Variants in DLG2 observed in about 807,000 individuals in gnomAD.
DLG2 encodes discs large MAGUK scaffold protein 2, also known as disks large homolog 2.
A neutral mutation model predicts 132.5 loss-of-function variants in DLG2; 45 were observed. The ratio of observed to expected loss-of-function variants is 0.34; its 90% CI spans 0.27 to 0.44. The LOEUF is 0.44. Among genes scored for constraint, DLG2 ranks in the 20% least tolerant of loss-of-function variants. DLG2 has a pLI of 1.00. For synonymous variants in DLG2, 424 were observed against 419.6 expected (o/e 1.01, Z -0.13); for missense variants, 1,045 against 1,196.9 (o/e 0.87, Z 1.87).
intron 6 of DLG2, among the ~76,000 whole-genome samples, chr11:85,007,559 G>C (rs1398823150): frequency 6.6e-6 from 1 of 150,746 alleles, no homozygotes; most frequent in Non-Finnish European, 1.5e-5. Flanking sequence ...CCAGCTACTC[G>C]GGAAGCTGAG....
intron 9 of DLG2, among the ~76,000 whole-genome samples, chr11:84,152,245 T>C (rs1473993031): frequency 6.6e-6 from 1 of 152,212 alleles, no homozygotes; most frequent in East Asian, 1.9e-4. Context: ...TGTATATATT[T>C]AGGATAGTTA....
At chr11:84,225,286 T>G (rs553405518) in intron 8 of DLG2, among the ~76,000 whole-genome samples, 1 of 152,324 alleles carries the variant, frequency 6.6e-6, no homozygotes, top group South Asian at 2.1e-4. Context: ...TTCCCTTATT[T>G]ATCTAAGTAG....
At chr11:85,132,828 G>C (rs1484553480) in intron 5 of DLG2, 1 of 456,720 alleles carries the variant, frequency 2.2e-6, no homozygotes. Flanking sequence ...TCAGTACATG[G>C]AAATCACACC....
At chr11:85,510,349 C>T (rs1242748277) in intron 3 of DLG2, among the ~76,000 whole-genome samples, 1 of 151,580 alleles carries the variant, frequency 6.6e-6, no homozygotes, top group African/African-American at 2.4e-5. Flanking sequence ...GCAATGGCAA[C>T]AAAAGCCAAA....
intron 6 of DLG2, among the ~76,000 whole-genome samples, chr11:84,927,150 A>G (rs931859234): frequency 1.3e-5 from 2 of 152,140 alleles, no homozygotes; most frequent in Admixed American, 6.5e-5. Flanking sequence ...AAAGTTTTCA[A>G]TATTAAAGCA....
chr11:85,554,678 G>A (rs2076837984), intron 3 of DLG2, among the ~76,000 whole-genome samples: 1 of 151,816 alleles, frequency 6.6e-6, no homozygotes, highest in Non-Finnish European at 1.5e-5. Flanking sequence ...AGGACTGGGG[G>A]GAGCTGAATT....
intron 6 of DLG2, among the ~76,000 whole-genome samples, chr11:84,773,273 C>G (rs955925088): frequency 1.3e-5 from 2 of 152,016 alleles, no homozygotes; most frequent in Non-Finnish European, 2.9e-5. Context: ...AGTTTCAGAA[C>G]TGAATCAGTA....
At chr11:84,973,895 T>A (rs2054480174) in intron 6 of DLG2, among the ~76,000 whole-genome samples, 1 of 152,214 alleles carries the variant, frequency 6.6e-6, no homozygotes, top group Non-Finnish European at 1.5e-5. Flanking sequence ...ATATCCTATT[T>A]TGTGTTTTTT....
intron 6 of DLG2, among the ~76,000 whole-genome samples, chr11:84,896,710 G>C (rs1475154944): frequency 6.6e-6 from 1 of 151,840 alleles, no homozygotes; most frequent in Non-Finnish European, 1.5e-5. Flanking sequence ...AAATAGATGA[G>C]TACAATATAG....
chr11:85,333,583 C>T (rs757948731), intron 3 of DLG2, among the ~76,000 whole-genome samples: 9 of 151,814 alleles, frequency 5.9e-5, no homozygotes, highest in Non-Finnish European at 1.0e-4. Flanking sequence ...CATAGAGGCT[C>T]TTATTCTGAG....
intron 8 of DLG2, among the ~76,000 whole-genome samples, chr11:84,243,025 A>C (rs879264382): frequency 0.029 from 2,975 of 102,646 alleles, 32 homozygotes; most frequent in Non-Finnish European, 0.038. Flanking sequence ...CTCTATATAT[A>C]TATATATATA....
chr11:83,725,017 G>A, intron 18 of DLG2: 1 of 657,442 alleles, frequency 1.5e-6, no homozygotes, highest in Non-Finnish European at 2.8e-6. Context: ...AGCCTGTTAG[G>A]AGTGAAGCAG....
At chr11:84,264,336 C>T (rs1021083112) in intron 7 of DLG2, among the ~76,000 whole-genome samples, 4 of 152,194 alleles carry the variant, frequency 2.6e-5, no homozygotes, top group African/African-American at 9.6e-5. Flanking sequence ...GTCTATGTTA[C>T]TCTTGCTTTC....
intron 7 of DLG2, among the ~76,000 whole-genome samples, chr11:84,394,860 T>C (rs2098805873): frequency 1.3e-5 from 2 of 152,148 alleles, no homozygotes; most frequent in Admixed American, 1.3e-4. Flanking sequence ...GACCTCGTGA[T>C]CCATCCACTT....
At chr11:85,074,312 A>T (rs1373267613) in intron 6 of DLG2, among the ~76,000 whole-genome samples, 1 of 151,800 alleles carries the variant, frequency 6.6e-6, no homozygotes, top group Non-Finnish European at 1.5e-5. Flanking sequence ...TCTCAGACAC[A>T]CTTTCACCAC....
intron 6 of DLG2, among the ~76,000 whole-genome samples, chr11:85,090,317 C>A (rs775522508): frequency 2.0e-5 from 3 of 152,148 alleles, no homozygotes; most frequent in Non-Finnish European, 4.4e-5. Flanking sequence ...GCAGTCTCAC[C>A]TCTTTTCTCT....
At chr11:84,614,640 G>T (rs1395309114) in intron 6 of DLG2, among the ~76,000 whole-genome samples, 1 of 152,076 alleles carries the variant, frequency 6.6e-6, no homozygotes, top group Non-Finnish European at 1.5e-5. Flanking sequence ...AATAGTGAAT[G>T]ACAAATATAT....
intron 6 of DLG2, among the ~76,000 whole-genome samples, chr11:84,561,338 C>T (rs2099428426): frequency 6.6e-6 from 1 of 152,038 alleles, no homozygotes; most frequent in African/African-American, 2.4e-5. Context: ...GCCTGTTACA[C>T]CCTTTTGCCA....
intron 21 of DLG2, among the ~76,000 whole-genome samples, chr11:83,499,263 A>G (rs2094319277): frequency 6.6e-6 from 1 of 152,186 alleles, no homozygotes; most frequent in Non-Finnish European, 1.5e-5. Flanking sequence ...AAAGAAGACT[A>G]CAAACCAAGG....
Sources: gnomAD v4.1 joint callset for allele counts (sites outside exome capture counted in the v4.1 genomes callset) on GRCh38, gnomAD v4.1.1 for gene constraint, MANE v1.5 for transcripts, NCBI Gene and HGNC (gene_info 2026-07-23, HGNC 2026-07-21) for gene names.